The following NPHP4 variants were observed in gnomAD, a reference collection of about 807,000 sequenced individuals.
The protein encoded by NPHP4 is nephrocystin 4.
A neutral mutation model predicts 155.8 loss-of-function variants in NPHP4; 151 were observed. The observed-to-expected ratio is 0.97, with a 90% CI of 0.85 to 1.11. The LOEUF is 1.11. Among genes scored for constraint, NPHP4 ranks in the 50% least tolerant of loss-of-function variants. The probability of loss-of-function intolerance (pLI) is 0.00; values close to 1 mark genes in which losing one functional copy is unlikely to be tolerated. For missense variants in NPHP4, 1,956 were observed against 1,925.7 expected (o/e 1.02, Z -0.29); for synonymous variants, 845 against 816.8 (o/e 1.03, Z -0.59).
At chr1:5,912,084 C>T (rs368332740) in intron 11 of NPHP4, among the ~76,000 whole-genome samples, 5 of 152,190 alleles carry the variant, frequency 3.3e-5, no homozygotes, top group South Asian at 4.1e-4. Context: ...TCTGGGGCAG[C>T]GCTGCGACAA....
chr1:5,961,539 C>T (rs551800561), intron 6 of NPHP4, among the ~76,000 whole-genome samples: 8 of 152,308 alleles, frequency 5.3e-5, no homozygotes, highest in African/African-American at 1.9e-4. Flanking sequence ...CTGTCTCTCA[C>T]GAAAGCATTT....
intron 1 of NPHP4, among the ~76,000 whole-genome samples, chr1:5,987,450 T>G (rs1048105817): frequency 2.0e-5 from 3 of 152,042 alleles, no homozygotes; most frequent in Non-Finnish European, 2.9e-5. Flanking sequence ...GTTATCTCTT[T>G]CACCATGGTG....
intron 27 of NPHP4, 121 bp from the exon 28 acceptor site, chr1:5,864,638 G>T: frequency 1.1e-6 from 1 of 951,940 alleles, no homozygotes; most frequent in Non-Finnish European, 1.5e-6. Context: ...TTCCGGGGCG[G>T]CCAAATCTGA....
intron 23 of NPHP4, among the ~76,000 whole-genome samples, chr1:5,872,513 T>C (rs1642108969): frequency 6.6e-6 from 1 of 152,194 alleles, no homozygotes; most frequent in African/African-American, 2.4e-5. Context: ...AAGGCAAAGC[T>C]GTGGCTGCAC....
At chr1:5,909,319 TTGTC>T (rs1411760048) in intron 11 of NPHP4, 106 bp from the exon 12 acceptor site, 21 of 881,462 alleles carry the variant, frequency 2.4e-5, no homozygotes, top group Middle Eastern at 2.6e-4. Flanking sequence ...CCTCACCACC[TTGTC>T]TGTAACAGGG....
chr1:5,908,669 G>A (rs934341197), intron 12 of NPHP4, among the ~76,000 whole-genome samples: 35 of 152,208 alleles, frequency 2.3e-4, no homozygotes, highest in African/African-American at 1.2e-4. Flanking sequence ...CTGTGCGGTC[G>A]GACGTGCAAC....
chr1:5,957,198 A>G (rs867119119), intron 6 of NPHP4, among the ~76,000 whole-genome samples: 3 of 152,166 alleles, frequency 2.0e-5, no homozygotes, highest in Non-Finnish European at 4.4e-5. Flanking sequence ...TCCCAATAAC[A>G]GCATTGCTCC....
At chr1:5,959,949 T>C (rs1028598196) in intron 6 of NPHP4, among the ~76,000 whole-genome samples, 2 of 147,646 alleles carry the variant, frequency 1.4e-5, no homozygotes, top group Non-Finnish European at 2.9e-5. Context: ...CAACTCACAG[T>C]TAGTCCTGAT....
Position 5,966,833 on chromosome 1 carries a change from T to C in NPHP4, c.517+466A>G, listed in dbSNP as rs1651599638. Among the ~76,000 whole-genome samples, 3 of 152,180 alleles carry C rather than the reference T, an allele frequency of 2.0e-5. No homozygotes were observed. The South Asian group carries it at 6.2e-4, about 32-fold the overall frequency. ...GACCGTCATCCCCATCCTTCCCAAA[T>C]GGCTCCCTCTGGCTGCCTGGGAACG... is the stretch of plus-strand genomic sequence containing the variant. On this transcript the variant is annotated intron_variant, in intron 5 of 29. Transcript: ENST00000378156.
rs777782850 is a variant in NPHP4, at chr1:5,877,568, C to T, written c.2612-270G>A. 4 of 334,820 alleles carry T rather than the reference C, an allele frequency of 1.2e-5. No individual in the cohort carries two copies. The East Asian group carries it at 1.4e-4, about 11-fold the overall frequency. 20.7% of individuals were successfully genotyped at this position (334,820 alleles called of 1,614,324 possible). ...CCTTAGATCCAACGCTGTCAACACA[C>T]CACCAGGGGGTTTTCTAGGGAAGAA... On this transcript the variant is annotated intron_variant, in intron 19 of 29. Coordinates refer to ENST00000378156, the MANE Select transcript of NPHP4 (RefSeq NM_015102.5).
chr1:5,973,548 T>C (rs534131708), intron 3 of NPHP4, among the ~76,000 whole-genome samples: 2 of 152,214 alleles, frequency 1.3e-5, no homozygotes, highest in Non-Finnish European at 2.9e-5. Flanking sequence ...GATCGCACCA[T>C]TGCACTCCAG....
At chr1:5,958,711 TAGCC>T (rs1281117489) in intron 6 of NPHP4, among the ~76,000 whole-genome samples, 3 of 146,724 alleles carry the variant, frequency 2.0e-5, no homozygotes, top group Non-Finnish European at 4.5e-5. Flanking sequence ...AAAAAAAAAT[TAGCC>T]AGGCATGGTG....
intron 1 of NPHP4, among the ~76,000 whole-genome samples, chr1:5,989,720 G>C (rs1164769039): frequency 6.6e-6 from 1 of 152,228 alleles, no homozygotes; most frequent in Admixed American, 6.5e-5. Flanking sequence ...TCCTGACGCA[G>C]ATGCCCATGC....
intron 12 of NPHP4, 94 bp from the exon 13 acceptor site, chr1:5,907,316 T>C (rs996000121): frequency 1.5e-5 from 11 of 746,072 alleles, no homozygotes; most frequent in Admixed American, 5.9e-5. Flanking sequence ...GGGAACGGGG[T>C]AGCCCTGGAT....
intron 11 of NPHP4, among the ~76,000 whole-genome samples, chr1:5,918,995 G>T (rs1165028284): frequency 6.6e-6 from 1 of 152,118 alleles, no homozygotes; most frequent in African/African-American, 2.4e-5. Context: ...GCAGATCAGG[G>T]GTCTGCAAAC....
intron 11 of NPHP4, among the ~76,000 whole-genome samples, chr1:5,915,494 G>A (rs960420468): frequency 6.6e-6 from 1 of 152,226 alleles, no homozygotes; most frequent in African/African-American, 2.4e-5. Context: ...GTTCCTAAGA[G>A]TTTGAAAACA....
rs182552942 is a variant in NPHP4 at position 5,923,107 on chromosome 1, G to A, written c.1441+4542C>T. Among the ~76,000 whole-genome samples, 115 of 152,266 alleles carry A rather than the reference G, an allele frequency of 7.6e-4. 2 individuals are homozygous for A. The highest frequency in any genetic ancestry group is 7.2e-3 in the Admixed American group (110 of 15,296). ...AGCATGAGCCAAGACTCAAAAGTCC[G>A]GAAAACACGCAGCATGGTGAGTGAA... On this transcript the variant is annotated intron_variant, in intron 11 of 29. Coordinates refer to ENST00000378156, the MANE Select transcript of NPHP4 (RefSeq NM_015102.5).
intron 3 of NPHP4, among the ~76,000 whole-genome samples, chr1:5,976,529 G>A (rs377307504): frequency 9.1e-4 from 138 of 152,344 alleles, no homozygotes; most frequent in African/African-American, 2.8e-3. Flanking sequence ...GCGCAGGCCC[G>A]AGGGGACCCC....
chr1:5,951,827 T>G (rs1365416563), intron 7 of NPHP4, among the ~76,000 whole-genome samples: 3 of 152,104 alleles, frequency 2.0e-5, no homozygotes, highest in Non-Finnish European at 4.4e-5. Context: ...CTGTCAGAGG[T>G]GACAGGAGCT....
Sources: allele counts gnomAD v4.1 joint callset (sites outside exome capture counted in the v4.1 genomes callset), GRCh38; gene constraint gnomAD v4.1.1; transcripts MANE v1.5; gene names NCBI Gene and HGNC (gene_info 2026-07-23, HGNC 2026-07-21).